PDE4B: variants seen among roughly 807,000 people sequenced by gnomAD.
PDE4B encodes the protein 3',5'-cyclic-AMP phosphodiesterase 4B.
A neutral mutation model predicts 82.2 loss-of-function variants in PDE4B; 20 were observed. The ratio of observed to expected loss-of-function variants is 0.24; its 90% CI spans 0.17 to 0.35. The LOEUF is 0.35. Among genes scored for constraint, PDE4B ranks in the 10% least tolerant of loss-of-function variants. PDE4B has a pLI of 1.00. For missense variants in PDE4B, 655 were observed against 907.2 expected, an observed-to-expected ratio of 0.72 and a Z score of 3.57; for synonymous variants, 320 against 318.9, an observed-to-expected ratio of 1.00 and a Z score of -0.04.
At chr1:65,923,724 C>T (rs1647339181) in intron 3 of PDE4B, among the ~76,000 whole-genome samples, 1 of 152,222 alleles carries the variant, frequency 6.6e-6, no homozygotes, top group Admixed American at 6.5e-5. Flanking sequence ...AGCTATCACT[C>T]TAATTGTCTT....
chr1:65,985,453 A>G (rs2100662141), intron 3 of PDE4B, among the ~76,000 whole-genome samples: 1 of 152,328 alleles, frequency 6.6e-6, no homozygotes, highest in South Asian at 2.1e-4. Context: ...AGACAAGACT[A>G]CTGACAAAGT....
intron 8 of PDE4B, among the ~76,000 whole-genome samples, chr1:66,352,250 G>A (rs962150971): frequency 2.6e-5 from 4 of 152,108 alleles, no homozygotes; most frequent in Non-Finnish European, 5.9e-5. Flanking sequence ...ATGTTTTTTG[G>A]TAGCATTGCT....
intron 1 of PDE4B, among the ~76,000 whole-genome samples, chr1:65,895,721 A>G (rs193293263): frequency 6.6e-6 from 1 of 151,626 alleles, no homozygotes; most frequent in East Asian, 1.9e-4. Context: ...TGTAAAAATT[A>G]GGATGGAGAT....
At chr1:65,817,247 G>C (rs1323148413) in intron 1 of PDE4B, among the ~76,000 whole-genome samples, 3 of 152,170 alleles carry the variant, frequency 2.0e-5, no homozygotes, top group African/African-American at 7.2e-5. Flanking sequence ...GCCTTTAAGA[G>C]AAAAGAGGCA....
At chr1:65,898,162 T>C (rs1306821913) in intron 1 of PDE4B, among the ~76,000 whole-genome samples, 5 of 152,116 alleles carry the variant, frequency 3.3e-5, no homozygotes, top group Non-Finnish European at 7.4e-5. Context: ...TCATGTCCTT[T>C]GCCCATTTTT....
At chr1:66,023,101 C>T (rs1653233297) in intron 3 of PDE4B, among the ~76,000 whole-genome samples, 1 of 152,002 alleles carries the variant, frequency 6.6e-6, no homozygotes, top group Non-Finnish European at 1.5e-5. Context: ...GGAGAGCTCC[C>T]AATAGCCTCT....
intron 8 of PDE4B, among the ~76,000 whole-genome samples, chr1:66,352,963 A>G (rs536535536): frequency 6.6e-6 from 1 of 152,306 alleles, no homozygotes; most frequent in African/African-American, 2.4e-5. Flanking sequence ...AGCTTTTTAC[A>G]ACATATTTTT....
chr1:65,887,258 T>C (rs1475970483), intron 1 of PDE4B, among the ~76,000 whole-genome samples: 1 of 56,418 alleles, frequency 1.8e-5, no homozygotes, highest in Non-Finnish European at 3.6e-5. Flanking sequence ...TTTCTTTCTT[T>C]CTTTCCTTCC....
rs182329736 is a variant in PDE4B at position 66,084,807 on chromosome 1, T to A, written c.282-162653T>A. Among the ~76,000 whole-genome samples, 589 of 152,216 alleles carry A rather than the reference T, an allele frequency of 3.9e-3. 3 individuals are homozygous for A. The highest frequency in any genetic ancestry group is 6.6e-3 in the Non-Finnish European group (450 of 68,008). ...ATTTAGACTGTGGCTAGCACTACAGTGGAAGGGATTCTCTCTGCTGGGAAC... is the reference window on the plus strand; with the variant it reads ...ATTTAGACTGTGGCTAGCACTACAGAGGAAGGGATTCTCTCTGCTGGGAAC... On this transcript the variant is annotated intron_variant, in intron 3 of 16. Coordinates refer to ENST00000341517, the MANE Select transcript of PDE4B (RefSeq NM_002600.4).
At chr1:66,144,509 A>G (rs894218842) in intron 3 of PDE4B, among the ~76,000 whole-genome samples, 4 of 152,240 alleles carry the variant, frequency 2.6e-5, no homozygotes, top group Admixed American at 2.6e-4. Context: ...GGTTACTGAT[A>G]CAAATTGAGC....
chr1:65,803,289 A>AAAAGGATGT (rs1380927420), intron 1 of PDE4B, among the ~76,000 whole-genome samples: 3 of 152,198 alleles, frequency 2.0e-5, no homozygotes, highest in African/African-American at 7.2e-5. Context: ...ACCACACATC[A>AAAAGGATGT]AAAGGATGTT....
At chr1:66,231,089 A>G (rs1651914686) in intron 3 of PDE4B, among the ~76,000 whole-genome samples, 1 of 152,134 alleles carries the variant, frequency 6.6e-6, no homozygotes, top group Admixed American at 6.5e-5. Context: ...AAACGAAATG[A>G]ATATTATGGC....
intron 1 of PDE4B, among the ~76,000 whole-genome samples, chr1:65,818,126 A>T (rs964069983): frequency 6.6e-6 from 1 of 152,128 alleles, no homozygotes; most frequent in Non-Finnish European, 1.5e-5. Context: ...CACCCTCAAC[A>T]ATGCCTTCCA....
intron 3 of PDE4B, among the ~76,000 whole-genome samples, chr1:66,131,174 G>A (rs917111870): frequency 2.0e-5 from 3 of 152,184 alleles, no homozygotes; most frequent in Non-Finnish European, 4.4e-5. Flanking sequence ...TATAAAGGTA[G>A]AGTGGATATG....
Position 66,284,620 on chromosome 1 carries a change from T to G in PDE4B, c.634+18533T>G, listed in dbSNP as rs80219291. Among the ~76,000 whole-genome samples the G allele has an allele frequency of 7.3e-3, 1,114 of 152,134 alleles. 41 individuals are homozygous for G. In the East Asian group the frequency reaches 0.11, roughly 15 times the overall value. The stretch of plus-strand genomic sequence containing the variant: ...CTGTAGTGCACCAAGATCATTGCAG[T>G]GAATAACCACTTCACTCCTACTGGG... On this transcript the variant is annotated intron_variant, in intron 7 of 16. Coordinates refer to ENST00000341517, the MANE Select transcript of PDE4B (RefSeq NM_002600.4).
intron 8 of PDE4B, among the ~76,000 whole-genome samples, chr1:66,333,098 G>T (rs551636131): frequency 1.4e-4 from 22 of 152,276 alleles, no homozygotes; most frequent in Non-Finnish European, 3.1e-4. Flanking sequence ...CCTCTAAAAA[G>T]AAGGATATCC....
At chr1:65,808,961 T>A (rs1405593473) in intron 1 of PDE4B, among the ~76,000 whole-genome samples, 1 of 152,100 alleles carries the variant, frequency 6.6e-6, no homozygotes, top group Non-Finnish European at 1.5e-5. Context: ...TATGTTTAGG[T>A]TTTAACAGAA....
At chr1:66,367,629 T>G in intron 13 of PDE4B, 67 bp from the exon 14 acceptor site, 3 of 1,338,540 alleles carry the variant, frequency 2.2e-6, no homozygotes, top group East Asian at 2.3e-5. Flanking sequence ...GATTTCACTT[T>G]GAGATAATGC....
chr1:65,993,029 A>G (rs116785815), intron 3 of PDE4B: 1 of 1,614,010 alleles, frequency 6.2e-7, no homozygotes, highest in African/African-American at 1.3e-5. Context: ...ACAGACCTAC[A>G]TCTCCTAAAA....
Sources: gnomAD v4.1 joint callset for allele counts (sites outside exome capture counted in the v4.1 genomes callset) on GRCh38, gnomAD v4.1.1 for gene constraint, MANE v1.5 for transcripts, NCBI Gene and HGNC (gene_info 2026-07-23, HGNC 2026-07-21) for gene names.